Variants in PCDHGA1 observed in about 807,000 individuals in gnomAD.
PCDHGA1 encodes the protein protocadherin gamma-A1.
A neutral mutation model predicts 58.0 loss-of-function variants in PCDHGA1; 32 were observed. The ratio of observed to expected loss-of-function variants is 0.55; its 90% CI spans 0.42 to 0.74. The LOEUF (loss-of-function observed/expected upper bound fraction) is 0.74. PCDHGA1 is among the 30% of genes least tolerant of loss of function. The pLI is 0.00. For missense variants in PCDHGA1, 1,205 were observed against 1,182.3 expected, an observed-to-expected ratio of 1.02 and a Z score of -0.28; for synonymous variants, 498 against 501.1, an observed-to-expected ratio of 0.99 and a Z score of 0.08.
chr5:141,411,001 C>G lies in PCDHGA1; in HGVS notation c.2421+77896C>G, dbSNP rs2095456042. 1.8e-5 allele frequency: 3 copies of G among 168,822 alleles called. No individual in the cohort carries two copies. The South Asian group carries it at 4.7e-4, about 26-fold the overall frequency. The allele number at this position is 168,822 out of a possible 1,614,324, so 10.5% of individuals were successfully genotyped here. ...CCCAAGTAGCTGGGATTACTGGTGC[C>G]CCTCACCACAGCTAAATTTTTTGTA... On this transcript the variant is annotated intron_variant, in intron 1 of 3. Coordinates refer to ENST00000517417, the MANE Select transcript of PCDHGA1 (RefSeq NM_018912.3).
chr5:141,487,304 C>T lies in PCDHGA1; in HGVS notation c.2422-7503C>T. The T allele has an allele frequency of 6.2e-7, 1 of 1,614,190 alleles. No homozygotes were observed. The highest frequency in any genetic ancestry group is 8.5e-7 in the Non-Finnish European group (1 of 1,180,042). On this transcript the variant is annotated intron_variant, in intron 1 of 3. Transcript: ENST00000517417. This position sits in a 1 kb window ranked among gnomAD's most constrained non-coding sequence, Gnocchi z 5.0. ...TGTCTCCTTTGGCTCATTCGTGGCA[C>T]TACTCTCTAAGTGTCTTCGTGGGGC...
At chr5:141,351,553 G>C (rs1485681008) in intron 1 of PCDHGA1, 1 of 1,613,972 alleles carries the variant, frequency 6.2e-7, no homozygotes, top group Non-Finnish European at 8.5e-7. Flanking sequence ...TTTCCTCCAG[G>C]ACAAGCATCA....
intron 1 of PCDHGA1, chr5:141,372,274 G>A (rs767978142): frequency 6.2e-7 from 1 of 1,613,078 alleles, no homozygotes; most frequent in East Asian, 2.2e-5. Flanking sequence ...GGTGAGGTGC[G>A]CACGGCGCGT....
intron 1 of PCDHGA1, chr5:141,355,298 A>T: frequency 6.2e-7 from 1 of 1,613,812 alleles, no homozygotes; most frequent in Non-Finnish European, 8.5e-7. Flanking sequence ...CAGATTCTCT[A>T]CTCGGTGTTT....
intron 1 of PCDHGA1, chr5:141,419,440 C>T (rs368129873): frequency 1.9e-6 from 3 of 1,613,034 alleles, no homozygotes; most frequent in African/African-American, 2.7e-5. Context: ...AGCTGCGCAC[C>T]TTCGAGCTCA....
chr5:141,361,088 G>A (rs1413584575), intron 1 of PCDHGA1: 2 of 1,613,904 alleles, frequency 1.2e-6, no homozygotes, highest in African/African-American at 1.3e-5. Context: ...TACACTCTGA[G>A]TATCGAAGCA....
chr5:141,511,028 T>C lies in PCDHGA1; in HGVS notation c.2651T>C (p.Leu884Pro). ...GCCCGCTACGGACCCCAGTTCACCC[T>C]GCAGCACGTGCCCGACTACCGCCAG... ...LSARYGPQFTLQHVPDYRQNV... is the reference protein window; with the variant it reads ...LSARYGPQFTPQHVPDYRQNV... The change falls in exon 4 of 4, where the codon CTG becomes CCG. Residue 884 changes from leucine (L) to proline (P), a missense_variant. Leu to Pro is a moderately conservative substitution (Grantham distance 98, BLOSUM62 -3). Transcript: ENST00000517417. 1 of 1,614,202 alleles carries C rather than the reference T, an allele frequency of 6.2e-7. No homozygotes were observed. Among genetic ancestry groups the C allele is most frequent in the Non-Finnish European group, 8.5e-7 (1 of 1,180,028 alleles).
intron 1 of PCDHGA1, among the ~76,000 whole-genome samples, chr5:141,445,787 T>C (rs2098477657): frequency 1.3e-5 from 2 of 152,182 alleles, no homozygotes; most frequent in South Asian, 4.1e-4. Context: ...CTAGGGAGGC[T>C]AGAAACAGAA....
rs376001893 is a variant in PCDHGA1 at position 141,388,827 on chromosome 5, A to G, written c.2421+55722A>G. ...TTTTGAAGAAGTCAAAGAATATTCC[A>G]TAGTTTTGGAAGCAAGGGACGGTGG... On this transcript the variant is annotated intron_variant, in intron 1 of 3. Coordinates refer to ENST00000517417, the MANE Select transcript of PCDHGA1 (RefSeq NM_018912.3). The G allele has an allele frequency of 9.9e-6, 16 of 1,614,024 alleles. No homozygotes were observed. The African/African-American group carries it at 1.7e-4, about 17-fold the overall frequency.
At chr5:141,437,660 G>A (rs1021986333) in intron 1 of PCDHGA1, among the ~76,000 whole-genome samples, 6 of 151,866 alleles carry the variant, frequency 4.0e-5, no homozygotes, top group Non-Finnish European at 5.9e-5. Flanking sequence ...ACATAGTTTC[G>A]AAGAGATGTT....
intron 1 of PCDHGA1, chr5:141,393,821 G>A: frequency 6.2e-7 from 1 of 1,613,734 alleles, no homozygotes; most frequent in South Asian, 1.1e-5. Context: ...TGCTCATTTC[G>A]GTGGAAGATG....
intron 3 of PCDHGA1, among the ~76,000 whole-genome samples, chr5:141,508,954 C>A (rs2154594435): frequency 6.6e-6 from 1 of 152,170 alleles, no homozygotes; most frequent in Admixed American, 6.5e-5. Context: ...AGAGAAATGT[C>A]AGCGGAATGA....
At chr5:141,422,849 C>T in intron 1 of PCDHGA1, 1 of 1,614,238 alleles carries the variant, frequency 6.2e-7, no homozygotes, top group Non-Finnish European at 8.5e-7. Context: ...AGCGGGGACC[C>T]GCCCCTCAGC....
At chr5:141,409,702 G>C (rs545411022) in intron 1 of PCDHGA1, 2 of 1,613,108 alleles carry the variant, frequency 1.2e-6, no homozygotes, top group African/African-American at 2.7e-5. Context: ...AGCCCCTGGC[G>C]GTGTCGTCAT....
chr5:141,421,071 A>G (rs1197006989), intron 1 of PCDHGA1: 1 of 608,760 alleles, frequency 1.6e-6, no homozygotes, highest in East Asian at 2.9e-5. Flanking sequence ...GCGGAATGAG[A>G]TGGATACTCA....
chr5:141,364,224 C>A (rs538812851), intron 1 of PCDHGA1: 2 of 1,356,132 alleles, frequency 1.5e-6, no homozygotes, highest in East Asian at 5.0e-5. Flanking sequence ...GAAAAGCCAA[C>A]GCTCCACGCC....
At chr5:141,407,812 T>C (rs1191426791) in intron 1 of PCDHGA1, among the ~76,000 whole-genome samples, 1 of 152,226 alleles carries the variant, frequency 6.6e-6, no homozygotes, top group Non-Finnish European at 1.5e-5. Context: ...AAATATCTAC[T>C]ATAATATTAT....
chr5:141,370,306 C>T (rs1766802284), intron 1 of PCDHGA1: 1 of 1,215,888 alleles, frequency 8.2e-7, no homozygotes, highest in Non-Finnish European at 1.1e-6. Context: ...AAAGACAAAG[C>T]AAATAGTTGG....
chr5:141,455,753 G>T (rs2098830630), intron 1 of PCDHGA1, among the ~76,000 whole-genome samples: 1 of 152,074 alleles, frequency 6.6e-6, no homozygotes, highest in Non-Finnish European at 1.5e-5. Flanking sequence ...TGCTGGCCTG[G>T]CTCCTAGAGC....
Sources: allele counts gnomAD v4.1 joint callset (sites outside exome capture counted in the v4.1 genomes callset), GRCh38; gene constraint gnomAD v4.1.1; non-coding constraint Gnocchi (gnomAD v3.1); transcripts MANE v1.5; gene names NCBI Gene and HGNC (gene_info 2026-07-23, HGNC 2026-07-21).